VPS13B: variants seen among roughly 807,000 people sequenced by gnomAD.
VPS13B encodes the protein intermembrane lipid transfer protein VPS13B.
VPS13B carries 285 observed loss-of-function variants against 426.4 expected under a neutral mutation model. That is an observed-to-expected ratio of 0.67 (90% CI 0.61 to 0.74). The LOEUF (loss-of-function observed/expected upper bound fraction) is 0.74, where lower values mean the gene tolerates loss of function less well. Among genes scored for constraint, VPS13B ranks in the 30% least tolerant of loss-of-function variants. The pLI, the probability that VPS13B is intolerant of heterozygous loss-of-function variation, is 0.00. For synonymous variants in VPS13B, 1,676 were observed against 1,676.4 expected, an observed-to-expected ratio of 1.00 and a Z score of 0.01; for missense variants, 4,537 against 4,782.6, an observed-to-expected ratio of 0.95 and a Z score of 1.51.
At chr8:99,551,967 C>T (rs944190133) in intron 30 of VPS13B, among the ~76,000 whole-genome samples, 5 of 151,824 alleles carry the variant, frequency 3.3e-5, no homozygotes, top group African/African-American at 9.7e-5. Context: ...ATTGCCTCCT[C>T]CTTGTTCTGT....
Position 99,481,748 on chromosome 8 carries a change from T to G in VPS13B, c.3816T>G (p.Ala1272=). The G allele has an allele frequency of 6.2e-7, 1 of 1,613,932 alleles. No individual in the cohort carries two copies. The highest frequency in any genetic ancestry group is 8.5e-7 in the Non-Finnish European group (1 of 1,179,866). The change falls in exon 25 of 62, where the codon GCT becomes GCG. Residue 1272 remains alanine (A), a synonymous_variant. Transcript: ENST00000357162. ...CAGTTAGAAGCAGTATAGGCACAGC[T>G]CCTCCAGATACCAGCACATGCAGCC... is the stretch of plus-strand genomic sequence containing the variant. ...TSPVRSSIGT[A]PPDTSTCSPS... is the part of the protein sequence containing the mutation.
intron 39 of VPS13B, among the ~76,000 whole-genome samples, chr8:99,727,553 G>GGCAAAGAGAGAGCTTGT (rs1225984932): frequency 6.6e-6 from 1 of 152,158 alleles, no homozygotes; most frequent in Non-Finnish European, 1.5e-5. Context: ...GATGGCAGCA[G>GGCAAAGAGAGAGCTTGT]GCAAAGAGAG....
At chr8:99,410,921 C>T (rs541196068) in intron 21 of VPS13B, among the ~76,000 whole-genome samples, 1 of 152,270 alleles carries the variant, frequency 6.6e-6, no homozygotes, top group South Asian at 2.1e-4. Flanking sequence ...GCATAGTAAT[C>T]CATGGTGTAT....
At chr8:99,582,535 C>A (rs1826114048) in intron 33 of VPS13B, among the ~76,000 whole-genome samples, 1 of 152,106 alleles carries the variant, frequency 6.6e-6, no homozygotes, top group African/African-American at 2.4e-5. Context: ...TTTTGTCAAT[C>A]TTAATTGTCT....
chr8:99,184,304 G>A (rs911373100), intron 16 of VPS13B, among the ~76,000 whole-genome samples: 4 of 152,132 alleles, frequency 2.6e-5, no homozygotes, highest in Non-Finnish European at 5.9e-5. Context: ...AATCTGTTTT[G>A]CAATATGATA....
chr8:99,538,469 G>A (rs1823379023), intron 30 of VPS13B, among the ~76,000 whole-genome samples: 1 of 152,014 alleles, frequency 6.6e-6, no homozygotes, highest in Non-Finnish European at 1.5e-5. Flanking sequence ...ATTTGACAAT[G>A]ATAGCTCTAA....
chr8:99,344,324 A>G (rs1047982259), intron 19 of VPS13B, among the ~76,000 whole-genome samples: 8 of 152,226 alleles, frequency 5.3e-5, no homozygotes, highest in Non-Finnish European at 1.0e-4. Flanking sequence ...GATTAAAGAC[A>G]TATAAAACCT....
intron 21 of VPS13B, among the ~76,000 whole-genome samples, chr8:99,429,284 CA>C (rs200181502): frequency 0.12 from 12,793 of 109,128 alleles, 773 homozygotes; most frequent in African/African-American, 0.23. Context: ...GTATAATAAC[CA>C]AAAAAAAAAA....
intron 17 of VPS13B, among the ~76,000 whole-genome samples, chr8:99,206,425 A>T (rs2132777213): frequency 6.6e-6 from 1 of 152,334 alleles, no homozygotes; most frequent in South Asian, 2.1e-4. Context: ...ATAAAAATGA[A>T]ATTCAATAAT....
At chr8:99,065,361 C>T (rs552894066) in intron 3 of VPS13B, among the ~76,000 whole-genome samples, 2 of 152,230 alleles carry the variant, frequency 1.3e-5, no homozygotes, top group Admixed American at 6.5e-5. Flanking sequence ...GTTCAGCATA[C>T]GTAAATCAAT....
At chr8:99,148,062 T>C (rs1810840517) in intron 14 of VPS13B, 52 bp downstream of exon 14, 1 of 1,576,000 alleles carries the variant, frequency 6.3e-7, no homozygotes, top group East Asian at 2.3e-5. Flanking sequence ...GGATTTTTTT[T>C]TTTTTTTTTG....
chr8:99,145,019 A>T (rs1221456830), intron 13 of VPS13B, among the ~76,000 whole-genome samples: 1 of 152,168 alleles, frequency 6.6e-6, no homozygotes, highest in Non-Finnish European at 1.5e-5. Flanking sequence ...AGAGGGTTTT[A>T]TGTAGACAAG....
chr8:99,395,624 A>G (rs1814689423), intron 21 of VPS13B, among the ~76,000 whole-genome samples: 1 of 152,196 alleles, frequency 6.6e-6, no homozygotes, highest in Non-Finnish European at 1.5e-5. Context: ...GGAATACAAT[A>G]CTATTGTAGC....
chr8:99,373,390 T>G (rs1352331504), intron 19 of VPS13B, among the ~76,000 whole-genome samples: 1 of 151,726 alleles, frequency 6.6e-6, no homozygotes, highest in Non-Finnish European at 1.5e-5. Flanking sequence ...TATAATTATC[T>G]TTATTATTTT....
At chr8:99,859,973 C>T (rs1816753376) in intron 57 of VPS13B, among the ~76,000 whole-genome samples, 1 of 152,182 alleles carries the variant, frequency 6.6e-6, no homozygotes, top group African/African-American at 2.4e-5. Flanking sequence ...GTGGCCCAGA[C>T]AGGTCATCGG....
intron 31 of VPS13B, among the ~76,000 whole-genome samples, chr8:99,568,662 A>T (rs1365131091): frequency 1.1e-4 from 17 of 152,116 alleles, no homozygotes; most frequent in Admixed American, 1.1e-3. Context: ...ATATAAACAG[A>T]AGAATATCTA....
At chr8:99,637,773 A>G (rs1365409311) in intron 33 of VPS13B, among the ~76,000 whole-genome samples, 1 of 152,134 alleles carries the variant, frequency 6.6e-6, no homozygotes, top group Admixed American at 6.6e-5. Context: ...TTAAGTATAA[A>G]TCTGTAAATC....
At chr8:99,333,771 T>G (rs1810670949) in intron 19 of VPS13B, among the ~76,000 whole-genome samples, 1 of 152,016 alleles carries the variant, frequency 6.6e-6, no homozygotes, top group African/African-American at 2.4e-5. Context: ...AATAGTCATG[T>G]AATATATAAC....
intron 7 of VPS13B, among the ~76,000 whole-genome samples, chr8:99,116,588 C>G (rs1019651681): frequency 5.9e-5 from 9 of 151,800 alleles, no homozygotes; most frequent in African/African-American, 2.2e-4. Flanking sequence ...TACATGCCAC[C>G]ATGCCTGGGT....
Sources: allele counts gnomAD v4.1 joint callset (sites outside exome capture counted in the v4.1 genomes callset), GRCh38; gene constraint gnomAD v4.1.1; transcripts MANE v1.5; gene names NCBI Gene and HGNC (gene_info 2026-07-23, HGNC 2026-07-21).